PCDHGB1: variants seen among roughly 807,000 people sequenced by gnomAD.
PCDHGB1 encodes protocadherin gamma-B1.
A neutral mutation model predicts 56.6 loss-of-function variants in PCDHGB1; 34 were observed. The ratio of observed to expected loss-of-function variants is 0.60; its 90% CI spans 0.46 to 0.80. The LOEUF (loss-of-function observed/expected upper bound fraction) is 0.80. Ranked by LOEUF, PCDHGB1 falls within the 30% of genes least tolerant of loss-of-function variation. The probability of loss-of-function intolerance (pLI) is 0.00; values close to 1 mark genes in which losing one functional copy is unlikely to be tolerated. For synonymous variants in PCDHGB1, 561 were observed against 505.9 expected (o/e 1.11, Z -1.46); for missense variants, 1,278 against 1,204.6 (o/e 1.06, Z -0.90).
chr5:141,392,802 A>G (rs2092597829), intron 1 of PCDHGB1: 7 of 1,572,582 alleles, frequency 4.5e-6, no homozygotes, highest in Non-Finnish European at 6.0e-6. Context: ...AGGATTCTGC[A>G]GCAAAACAAC....
Position 141,485,598 on chromosome 5 carries a change from T to C in PCDHGB1, c.2410-9209T>C, listed in dbSNP as rs931717579. 25 of 1,612,028 alleles carry C rather than the reference T, an allele frequency of 1.6e-5. No individual in the cohort carries two copies. Among genetic ancestry groups the C allele is most frequent in the African/African-American group, 2.7e-5 (2 of 74,838 alleles). ...CCGCGGCAGCAGCTGGACTTGGAAA[T>C]TGGGGAGGCAGCTCCTCCAGGACAG... On this transcript the variant is annotated intron_variant, in intron 1 of 3. Transcript: ENST00000523390. This position sits in a 1 kb window ranked among gnomAD's most constrained non-coding sequence, Gnocchi z 5.7.
chr5:141,357,498 T>G, intron 1 of PCDHGB1: 1 of 1,614,020 alleles, frequency 6.2e-7, no homozygotes, highest in South Asian at 1.1e-5. Context: ...CGCGGAAGAG[T>G]CACCTGATCT....
chr5:141,432,137 T>A lies in PCDHGB1; in HGVS notation c.2410-62670T>A. On this transcript the variant is annotated intron_variant, in intron 1 of 3. Coordinates refer to ENST00000523390, the MANE Select transcript of PCDHGB1 (RefSeq NM_018922.3). The surrounding 1 kb of genome is among the most constrained non-coding windows in gnomAD (Gnocchi z 6.0). ...CTTCCCTCAGGCCTCCTATTCCGCT[T>A]ATATCCCAGAGAACAATCCCAGAGG... 6.2e-7 allele frequency: 1 copy of A among 1,613,964 alleles called. No homozygotes were observed. Among genetic ancestry groups the A allele is most frequent in the Non-Finnish European group, 8.5e-7 (1 of 1,179,984 alleles).
intron 2 of PCDHGB1, among the ~76,000 whole-genome samples, chr5:141,500,187 TA>T (rs56304898): frequency 0.051 from 5,679 of 110,700 alleles, 126 homozygotes; most frequent in Middle Eastern, 0.14. Flanking sequence ...TTTTTATTTT[TA>T]TTTATTTATT....
chr5:141,364,535 A>G (rs1404696563), intron 1 of PCDHGB1: 2 of 1,614,100 alleles, frequency 1.2e-6, no homozygotes, highest in Admixed American at 3.3e-5. Context: ...CATCGTCTCC[A>G]GAGGTAGGAC....
rs371280575 is a variant in PCDHGB1 at position 141,393,339 on chromosome 5, C to T, written c.2409+40670C>T. ...CCAGAGCTACCAGCTCAGCCCCAAT[C>T]ACCACTTCTCCCTGGACGTGCAGAC... On this transcript the variant is annotated intron_variant, in intron 1 of 3. Coordinates refer to ENST00000523390, the MANE Select transcript of PCDHGB1 (RefSeq NM_018922.3). 109 of 1,613,800 alleles carry T rather than the reference C, an allele frequency of 6.8e-5. No individual in the cohort carries two copies. The highest frequency in any genetic ancestry group is 9.2e-5 in the Non-Finnish European group (109 of 1,179,890).
In PCDHGB1 at chr5:141,485,219, A is replaced by C. The variant is rs954128321; in HGVS notation, c.2410-9588A>C. 20 of 1,613,930 alleles carry C rather than the reference A, an allele frequency of 1.2e-5. No individual in the cohort carries two copies. The highest frequency in any genetic ancestry group is 1.6e-5 in the Non-Finnish European group (19 of 1,179,944). On this transcript the variant is annotated intron_variant, in intron 1 of 3. Coordinates refer to ENST00000523390, the MANE Select transcript of PCDHGB1 (RefSeq NM_018922.3). The surrounding 1 kb of genome is among the most constrained non-coding windows in gnomAD (Gnocchi z 5.7). The stretch of plus-strand genomic sequence containing the variant: ...CTGGACAGAAATCTGGCGGTGGGCT[A>C]CCCTTTTGTTCCTCTTTTACCACCT...
intron 1 of PCDHGB1, chr5:141,478,790 C>T: frequency 6.8e-7 from 1 of 1,472,906 alleles, no homozygotes. Flanking sequence ...AATTCACATC[C>T]TCAGCACTCT....
rs543038539 is a variant in PCDHGB1 at position 141,415,850 on chromosome 5, C to A, written c.2409+63181C>A. 7.3e-6 allele frequency: 9 copies of A among 1,230,004 alleles called. No homozygotes were observed. In the East Asian group the frequency reaches 2.6e-4, roughly 35 times the overall value. The allele number at this position is 1,230,004 out of a possible 1,614,324, so 76.2% of individuals were successfully genotyped here. ...TTTGTTATGATTAGCTTTGCAGAAC[C>A]TTGTAGTTTATAGTGTTGTTGAGTA... On this transcript the variant is annotated intron_variant, in intron 1 of 3. Coordinates refer to ENST00000523390, the MANE Select transcript of PCDHGB1 (RefSeq NM_018922.3).
chr5:141,466,947 A>C (rs2099132734), intron 1 of PCDHGB1, among the ~76,000 whole-genome samples: 1 of 152,126 alleles, frequency 6.6e-6, no homozygotes, highest in South Asian at 2.1e-4. Context: ...TGTCCAGTAA[A>C]CAGACTGCAA....
chr5:141,490,612 C>G lies in PCDHGB1; in HGVS notation c.2410-4195C>G, dbSNP rs1393568166. ...CAATGCACCCCGCTTCAACCAGCAG[C>G]TTTACACTGCTTACATCCTAGAAAA... On this transcript the variant is annotated intron_variant, in intron 1 of 3. Coordinates refer to ENST00000523390, the MANE Select transcript of PCDHGB1 (RefSeq NM_018922.3). This position sits in a 1 kb window ranked among gnomAD's most constrained non-coding sequence, Gnocchi z 5.4. The G allele has an allele frequency of 6.2e-7, 1 of 1,614,082 alleles. No homozygotes were observed. Among genetic ancestry groups the G allele is most frequent in the Non-Finnish European group, 8.5e-7 (1 of 1,180,032 alleles).
At chr5:141,378,827 A>G (rs983017381) in intron 1 of PCDHGB1, 1 of 152,256 alleles carries the variant, frequency 6.6e-6, no homozygotes, top group African/African-American at 2.4e-5. Flanking sequence ...TTTCATGAAC[A>G]GAAAACAGCA....
intron 1 of PCDHGB1, chr5:141,384,813 C>G: frequency 6.2e-7 from 1 of 1,613,412 alleles, no homozygotes. Flanking sequence ...GAGATGCCCT[C>G]AAGCAGAGCC....
chr5:141,383,093 G>A, intron 1 of PCDHGB1: 1 of 1,613,930 alleles, frequency 6.2e-7, no homozygotes, highest in Non-Finnish European at 8.5e-7. Flanking sequence ...CGCGGAGTCC[G>A]CATCATCTCC....
At chr5:141,478,127 C>A (rs1323163663) in intron 1 of PCDHGB1, 1 of 1,614,106 alleles carries the variant, frequency 6.2e-7, no homozygotes, top group South Asian at 1.1e-5. Flanking sequence ...CGAGGACTCT[C>A]CTGAAGCCCG....
intron 1 of PCDHGB1, chr5:141,416,520 G>A (rs1209482346): frequency 6.6e-6 from 1 of 152,136 alleles, no homozygotes; most frequent in African/African-American, 2.4e-5. Context: ...TATTTCAGTG[G>A]CTCTTTAATG....
At chr5:141,404,488 T>C (rs3749770) in intron 1 of PCDHGB1, 387,354 of 1,612,960 alleles carry the variant, frequency 0.24, 50,449 homozygotes, top group African/African-American at 0.51. Flanking sequence ...CAGACACTGG[T>C]GTGCTGTATG....
At chr5:141,394,235 G>C (rs1444438979) in intron 1 of PCDHGB1, 1 of 1,613,820 alleles carries the variant, frequency 6.2e-7, no homozygotes, top group South Asian at 1.1e-5. Flanking sequence ...TCTTTTCCTT[G>C]ACTGCACACG....
chr5:141,416,747 T>A (rs920641906), intron 1 of PCDHGB1: 2 of 152,240 alleles, frequency 1.3e-5, no homozygotes, highest in African/African-American at 4.8e-5. Flanking sequence ...AATAGTGACG[T>A]ATTAGGTAGA....
Sources: allele counts gnomAD v4.1 joint callset (sites outside exome capture counted in the v4.1 genomes callset), GRCh38; gene constraint gnomAD v4.1.1; non-coding constraint Gnocchi (gnomAD v3.1); transcripts MANE v1.5; gene names NCBI Gene and HGNC (gene_info 2026-07-23, HGNC 2026-07-21).